Variants in ETF1 observed in about 807,000 individuals in gnomAD.
ETF1 encodes eukaryotic peptide chain release factor subunit 1.
In ETF1, 4 loss-of-function variants were observed where a neutral mutation model predicts 55.1. The ratio of observed to expected loss-of-function variants is 0.07; its 90% confidence interval spans 0.04 to 0.17. The LOEUF is 0.17. Among genes scored for constraint, ETF1 ranks in the 10% least tolerant of loss-of-function variants. The pLI is 1.00. For missense variants in ETF1, 142 were observed against 523.6 expected (o/e 0.27, Z 7.11); for synonymous variants, 157 against 182.3 (o/e 0.86, Z 1.12).
At chr5:138,536,285 A>AAACTC (rs1358877697) in intron 2 of ETF1, among the ~76,000 whole-genome samples, 1 of 152,234 alleles carries the variant, frequency 6.6e-6, no homozygotes, top group Non-Finnish European at 1.5e-5. Flanking sequence ...ACAAGAGTAC[A>AAACTC]AACTCAACAT....
chr5:138,535,762 C>T (rs1305583746), intron 2 of ETF1, among the ~76,000 whole-genome samples: 1 of 144,660 alleles, frequency 6.9e-6, no homozygotes, highest in African/African-American at 2.5e-5. Context: ...GTGGGACACA[C>T]CTGTAATCCC....
In ETF1 at chr5:138,506,209, AC is replaced by A. The variant is rs1168521559; in HGVS notation, c.*2095del. 1 of 152,534 alleles carries A rather than the reference AC, an allele frequency of 6.6e-6. No individual in the cohort carries two copies. Among genetic ancestry groups the A allele is most frequent in the East Asian group, 1.9e-4 (1 of 5,192 alleles). The allele number at this position is 152,534 out of a possible 1,614,324, so 9.4% of individuals were successfully genotyped here. On this transcript the variant is annotated 3_prime_UTR_variant, in exon 11 of 11. Coordinates refer to ENST00000360541, the MANE Select transcript of ETF1 (RefSeq NM_004730.4). Reference sequence around the variant, plus strand: ...AGAGAATGCAAAGGCTACGGTTTTCACCCCCTCTTATATGTGTTTGTATGTG... The same window carrying A: ...AGAGAATGCAAAGGCTACGGTTTTCACCCCTCTTATATGTGTTTGTATGTG...
chr5:138,529,162 C>A (rs1010117295), intron 2 of ETF1, among the ~76,000 whole-genome samples: 1 of 151,290 alleles, frequency 6.6e-6, no homozygotes, highest in Non-Finnish European at 1.5e-5. Context: ...AAAACCAAAA[C>A]CAAACAAACA....
At chr5:138,541,419 G>T in intron 2 of ETF1, 1 of 777,658 alleles carries the variant, frequency 1.3e-6, no homozygotes, top group Admixed American at 2.3e-5. Flanking sequence ...CCGAAGGAGT[G>T]AGCACAAGCC....
chr5:138,521,215 AG>A (rs1227669413), intron 2 of ETF1, among the ~76,000 whole-genome samples: 1 of 152,256 alleles, frequency 6.6e-6, no homozygotes, highest in Non-Finnish European at 1.5e-5. Context: ...AAGAAAAATA[AG>A]CCAGACAGAA....
At chr5:138,518,124 C>T (rs996923332) in intron 3 of ETF1, among the ~76,000 whole-genome samples, 1 of 150,842 alleles carries the variant, frequency 6.6e-6, no homozygotes, top group East Asian at 2.0e-4. Flanking sequence ...ATCACTTCAA[C>T]CTGGGAGGCT....
intron 3 of ETF1, 154 bp from the exon 4 acceptor site, chr5:138,517,854 C>T: frequency 2.0e-6 from 2 of 984,266 alleles, no homozygotes; most frequent in African/African-American, 1.7e-5. Context: ...AGGCAGAACT[C>T]TCTCCCTAAT....
At position 138,506,414 on chromosome 5, in the gene ETF1, ACAAG is replaced by A. The variant is rs1253952721; in HGVS notation, c.*1887_*1890del. 1 of 152,694 alleles carries A rather than the reference ACAAG, an allele frequency of 6.5e-6. No individual in the cohort carries two copies. The highest frequency in any genetic ancestry group is 2.4e-5 in the African/African-American group (1 of 41,476). 9.5% of individuals were successfully genotyped at this position (152,694 alleles called of 1,614,324 possible). On this transcript the variant is annotated 3_prime_UTR_variant, in exon 11 of 11. Transcript: ENST00000360541. Reference sequence around the variant, plus strand: ...TACCCTAAATGTATCATGTGAAACAACAAGCATATTCAAAAATGTAAATTTACAT... The same window carrying A: ...TACCCTAAATGTATCATGTGAAACAACATATTCAAAAATGTAAATTTACAT...
Position 138,507,986 on chromosome 5 carries a change from A to G in ETF1, c.*319T>C, listed in dbSNP as rs1436290198. The stretch of plus-strand genomic sequence containing the variant: ...GCTTCTATGTATGAAGGTTAAAAAA[A>G]TCATTTTTTTTCATAAAATACAAGA... On this transcript the variant is annotated 3_prime_UTR_variant, in exon 11 of 11. Coordinates refer to ENST00000360541, the MANE Select transcript of ETF1 (RefSeq NM_004730.4). 4.7e-5 allele frequency: 12 copies of G among 256,142 alleles called. No individual in the cohort carries two copies. The highest frequency in any genetic ancestry group is 7.4e-6 in the Non-Finnish European group (1 of 135,132). The allele number at this position is 256,142 out of a possible 1,614,324, so 15.9% of individuals were successfully genotyped here.
chr5:138,515,019 C>T (rs1424207842), intron 4 of ETF1, among the ~76,000 whole-genome samples: 1 of 152,244 alleles, frequency 6.6e-6, no homozygotes, highest in African/African-American at 2.4e-5. Context: ...TGAGCCACAA[C>T]ACCTGGCCTT....
intron 9 of ETF1, 59 bp from the exon 10 acceptor site, chr5:138,508,875 G>T: frequency 6.4e-7 from 1 of 1,574,682 alleles, no homozygotes. Flanking sequence ...AGGCTAATTA[G>T]TCCCTCTCAC....
At position 138,514,813 on chromosome 5, in the gene ETF1, G is replaced by A. The variant is rs1046735280; in HGVS notation, c.403-1107C>T. ...TTATATCCCTTTATGCCTTCCCAAA[G>A]AGAAAATATTGAAACAGTCCTGGGA... On this transcript the variant is annotated intron_variant, in intron 4 of 10. Transcript: ENST00000360541. 3.3e-5 allele frequency among the ~76,000 whole-genome samples: 5 copies of A among 152,090 alleles called. No individual in the cohort carries two copies. In the South Asian group the frequency reaches 1.0e-3, roughly 32 times the overall value.
rs536193105 is a variant in ETF1, at chr5:138,515,871, G to A, written c.402+1690C>T. 1.2e-4 allele frequency among the ~76,000 whole-genome samples: 19 copies of A among 152,346 alleles called. No homozygotes were observed. In the South Asian group the frequency reaches 3.1e-3, roughly 25 times the overall value. ...AGTGAAGAGAAAAACAGTCTGGATT[G>A]TCTATGCAGTCGACCAAGATCCAAC... On this transcript the variant is annotated intron_variant, in intron 4 of 10. Coordinates refer to ENST00000360541, the MANE Select transcript of ETF1 (RefSeq NM_004730.4).
intron 2 of ETF1, among the ~76,000 whole-genome samples, chr5:138,537,177 C>A (rs1288265672): frequency 6.6e-6 from 1 of 152,202 alleles, no homozygotes; most frequent in East Asian, 1.9e-4. Flanking sequence ...CCACCACATC[C>A]TTTCTAACAT....
At position 138,507,922 on chromosome 5, in the gene ETF1, TA is replaced by T. The variant is rs1764617469; in HGVS notation, c.*382del. The T allele has an allele frequency of 5.8e-6, 1 of 171,582 alleles. No individual in the cohort carries two copies. The highest frequency in any genetic ancestry group is 1.6e-4 in the East Asian group (1 of 6,072). 10.6% of individuals were successfully genotyped at this position (171,582 alleles called of 1,614,324 possible). A position where few individuals can be genotyped will look rare whatever the true frequency, so the allele number is the denominator to read the frequency against. ...AAACAAACCAGTATGATCTCACTTC[TA>T]TTAACTTTTGAAGGTTTACAGCAGT... is the stretch of plus-strand genomic sequence containing the variant. On this transcript the variant is annotated 3_prime_UTR_variant, in exon 11 of 11. Coordinates refer to ENST00000360541, the MANE Select transcript of ETF1 (RefSeq NM_004730.4).
intron 2 of ETF1, among the ~76,000 whole-genome samples, chr5:138,540,444 G>A (rs1329351952): frequency 6.6e-6 from 1 of 152,134 alleles, no homozygotes; most frequent in Non-Finnish European, 1.5e-5. Flanking sequence ...AGGTAAAGTA[G>A]GAATAACATT....
At chr5:138,515,133 A>C (rs1391414968) in intron 4 of ETF1, among the ~76,000 whole-genome samples, 1 of 152,252 alleles carries the variant, frequency 6.6e-6, no homozygotes, top group Admixed American at 6.5e-5. Context: ...GTTGGCATTA[A>C]GACATGAATA....
chr5:138,510,726 G>C (rs1013368727), intron 8 of ETF1, 97 bp from the exon 9 acceptor site: 2 of 1,492,136 alleles, frequency 1.3e-6, no homozygotes, highest in African/African-American at 2.8e-5. Context: ...AGGGCTCAGG[G>C]ACTCAATCTC....
intron 2 of ETF1, among the ~76,000 whole-genome samples, chr5:138,523,833 T>G (rs1025178004): frequency 2.0e-5 from 3 of 151,652 alleles, no homozygotes; most frequent in Non-Finnish European, 4.4e-5. Context: ...TTGGGAGGCT[T>G]GAGGCAGAAC....
Sources: allele counts gnomAD v4.1 joint callset (sites outside exome capture counted in the v4.1 genomes callset), GRCh38; gene constraint gnomAD v4.1.1; transcripts MANE v1.5; gene names NCBI Gene and HGNC (gene_info 2026-07-23, HGNC 2026-07-21).